The following ELF4 variants were observed in gnomAD, a reference collection of about 807,000 sequenced individuals.
The protein encoded by ELF4 is E74 like ETS transcription factor 4, also known as ETS-related transcription factor Elf-4.
Under a neutral mutation model 31.7 loss-of-function variants are expected in ELF4, and 10 were observed. The ratio of observed to expected loss-of-function variants is 0.32; its 90% CI spans 0.19 to 0.54. The LOEUF (loss-of-function observed/expected upper bound fraction) is 0.54, where lower values mean the gene tolerates loss of function less well. Among genes scored for constraint, ELF4 ranks in the 20% least tolerant of loss-of-function variants. The pLI is 0.95. For missense variants in ELF4, 418 were observed against 522.0 expected, an observed-to-expected ratio of 0.80 and a Z score of 1.94; for synonymous variants, 208 against 226.7, an observed-to-expected ratio of 0.92 and a Z score of 0.74.
intron 1 of ELF4, among the ~76,000 whole-genome samples, chrX:130,106,811 C>T (rs1364367367): frequency 9.0e-6 from 1 of 111,646 alleles, no homozygotes; most frequent in Non-Finnish European, 1.9e-5. Context: ...CTGCCCAGGG[C>T]CTTTCCCAGC....
chrX:130,096,090 A>C (rs748285987), intron 1 of ELF4, among the ~76,000 whole-genome samples: 1 of 111,963 alleles, frequency 8.9e-6, no homozygotes, highest in Non-Finnish European at 1.9e-5. Context: ...TTATCTTCAA[A>C]ATTGAGGCCC....
intron 1 of ELF4, among the ~76,000 whole-genome samples, chrX:130,108,476 G>A (rs1424694004): frequency 9.0e-6 from 1 of 111,558 alleles, no homozygotes; most frequent in Non-Finnish European, 1.9e-5. Flanking sequence ...TGTCTAGCTG[G>A]GTCTGTGCGG....
chrX:130,104,277 TACACACACACACACACACACAC>T (rs61193112), intron 1 of ELF4, among the ~76,000 whole-genome samples: 2 of 86,416 alleles, frequency 2.3e-5, no homozygotes, highest in Non-Finnish European at 4.5e-5. Flanking sequence ...TTCAGTATAT[TACACACACACACACACACACAC>T]ACACACACAC....
intron 1 of ELF4, among the ~76,000 whole-genome samples, chrX:130,093,884 G>A (rs1043259661): frequency 3.0e-4 from 34 of 112,045 alleles, no homozygotes; most frequent in African/African-American, 1.1e-3. Context: ...CTCTCAGCTC[G>A]GGGCCATATT....
intron 2 of ELF4, 119 bp from the exon 3 acceptor site, chrX:130,074,871 T>C (rs113310464): frequency 7.0e-5 from 58 of 832,692 alleles, no homozygotes; most frequent in African/African-American, 5.9e-4. Flanking sequence ...GACTGTCCTT[T>C]GTATAGGATG....
intron 2 of ELF4, among the ~76,000 whole-genome samples, chrX:130,075,800 G>A (rs886751414): frequency 1.8e-5 from 2 of 111,662 alleles, no homozygotes; most frequent in African/African-American, 3.3e-5. Flanking sequence ...TTCGGGCTCC[G>A]TCTGTGGCAA....
intron 1 of ELF4, among the ~76,000 whole-genome samples, chrX:130,091,170 T>C (rs763424684): frequency 1.8e-5 from 2 of 112,020 alleles, no homozygotes; most frequent in Non-Finnish European, 3.8e-5. Flanking sequence ...CTCACTCCTA[T>C]AATCCCTGTA....
chrX:130,102,876 G>GAA (rs761623746), intron 1 of ELF4, among the ~76,000 whole-genome samples: 3,669 of 56,093 alleles, frequency 0.065, 123 homozygotes, highest in Middle Eastern at 0.12. Context: ...GAGAGAGAGA[G>GAA]AGAGAGAGAG....
At chrX:130,099,498 C>A (rs1357224427) in intron 1 of ELF4, among the ~76,000 whole-genome samples, 1 of 110,612 alleles carries the variant, frequency 9.0e-6, no homozygotes, top group East Asian at 2.9e-4. Context: ...TGCTTGAACC[C>A]AGAAAGTGGA....
At chrX:130,087,532 G>C (rs1385033745) in intron 1 of ELF4, among the ~76,000 whole-genome samples, 1 of 112,822 alleles carries the variant, frequency 8.9e-6, no homozygotes, top group Non-Finnish European at 1.9e-5. Context: ...CCGGGCTGGA[G>C]TGCAGTGGCG....
chrX:130,111,116 G>A (rs1384175189), upstream of ELF4, among the ~76,000 whole-genome samples: 1 of 108,499 alleles, frequency 9.2e-6, no homozygotes, highest in African/African-American at 3.3e-5. Flanking sequence ...CGTGCCAGGG[G>A]CCCGCGCGGC....
intron 1 of ELF4, among the ~76,000 whole-genome samples, chrX:130,084,660 GA>G (rs1932935767): frequency 9.0e-6 from 1 of 111,531 alleles, no homozygotes; most frequent in South Asian, 3.8e-4. Flanking sequence ...GGTGGAGGGG[GA>G]GGAAGTAGCT....
At chrX:130,087,880 C>T (rs1932986617) in intron 1 of ELF4, among the ~76,000 whole-genome samples, 1 of 111,582 alleles carries the variant, frequency 9.0e-6, no homozygotes, top group Non-Finnish European at 1.9e-5. Flanking sequence ...ATGGAGGTGG[C>T]GGGATGAAAT....
chrX:130,079,796 G>C (rs1282126417), intron 2 of ELF4, among the ~76,000 whole-genome samples: 1 of 112,056 alleles, frequency 8.9e-6, no homozygotes, highest in Non-Finnish European at 1.9e-5. Context: ...AACAGTTGCT[G>C]AGTGGACTAG....
chrX:130,097,910 C>A (rs1275005879), intron 1 of ELF4, among the ~76,000 whole-genome samples: 1 of 112,658 alleles, frequency 8.9e-6, no homozygotes, highest in Admixed American at 9.3e-5. Context: ...GGCCTGGGCT[C>A]CGGTTTCCCC....
intron 1 of ELF4, among the ~76,000 whole-genome samples, chrX:130,106,626 T>C (rs952867687): frequency 2.7e-5 from 3 of 111,911 alleles, no homozygotes; most frequent in African/African-American, 9.7e-5. Flanking sequence ...AAAGCGCCTA[T>C]GGGATTCTGG....
At chrX:130,067,599 A>G in intron 8 of ELF4, 74 bp from the exon 9 acceptor site, 1 of 1,025,231 alleles carries the variant, frequency 9.8e-7, no homozygotes, top group Non-Finnish European at 1.4e-6. Context: ...AGGGCACGAG[A>G]GGAATGGAGC....
intron 1 of ELF4, among the ~76,000 whole-genome samples, chrX:130,082,663 C>G (rs1932902535): frequency 9.0e-6 from 1 of 111,261 alleles, no homozygotes; most frequent in African/African-American, 3.3e-5. Context: ...GCCCGGGCGC[C>G]TCATCTGCGT....
Position 130,069,690 on chromosome X carries a change from G to GGGCAGGGAGTTGGGAGTT in ELF4, c.810-31_810-14dup, listed in dbSNP as rs1932762612. 1 of 1,209,258 alleles carries GGGCAGGGAGTTGGGAGTT rather than the reference G, an allele frequency of 8.3e-7. No homozygotes were observed. The highest frequency in any genetic ancestry group is 2.2e-5 in the Admixed American group (1 of 45,879). On this transcript the variant is annotated splice_polypyrimidine_tract_variant and intron_variant, in intron 7 of 8. Transcript: ENST00000308167. ...TTGGTAGTAGTATCTAGAGGAAGAG[G>GGGCAGGGAGTTGGGAGTT]GGCAGGGAGTTGGGAGTTAGCCGGG...
Sources: allele counts gnomAD v4.1 joint callset (sites outside exome capture counted in the v4.1 genomes callset), GRCh38; gene constraint gnomAD v4.1.1; transcripts MANE v1.5; gene names NCBI Gene and HGNC (gene_info 2026-07-23, HGNC 2026-07-21).